Variants in BTBD3 observed in about 807,000 individuals in gnomAD.
BTBD3 encodes the protein BTB domain containing 3, also known as BTB/POZ domain-containing protein 3.
A neutral mutation model predicts 41.6 loss-of-function variants in BTBD3; 14 were observed. That is an observed-to-expected ratio of 0.34 (90% CI 0.22 to 0.53). BTBD3 has a LOEUF of 0.53. Among genes scored for constraint, BTBD3 ranks in the 20% least tolerant of loss-of-function variants. The pLI is 0.95. For missense variants in BTBD3, 426 were observed against 654.7 expected, an observed-to-expected ratio of 0.65 and a Z score of 3.81; for synonymous variants, 249 against 233.7, an observed-to-expected ratio of 1.07 and a Z score of -0.60.
intron 3 of BTBD3, 75 bp downstream of exon 3, chr20:11,919,911 T>G (rs1299119169): frequency 7.8e-7 from 1 of 1,280,310 alleles, no homozygotes; most frequent in African/African-American, 1.5e-5. Context: ...CAGTTAAATT[T>G]AAGTTCTGCA....
intron 1 of BTBD3, among the ~76,000 whole-genome samples, chr20:11,891,715 T>C (rs533768025): frequency 6.6e-6 from 1 of 152,266 alleles, no homozygotes; most frequent in South Asian, 2.1e-4. Flanking sequence ...TCAAAGAAAG[T>C]ATTGTTCGGG....
At chr20:11,898,766 T>C (rs1312364001) in intron 1 of BTBD3, among the ~76,000 whole-genome samples, 1 of 152,252 alleles carries the variant, frequency 6.6e-6, no homozygotes, top group East Asian at 1.9e-4. Context: ...AAGGGAGAAG[T>C]TCAAGAACAT....
chr20:11,918,754 A>G, intron 1 of BTBD3, 153 bp downstream of exon 1: 1 of 829,704 alleles, frequency 1.2e-6, no homozygotes, highest in Non-Finnish European at 1.8e-6. Flanking sequence ...ATCTTTTCCA[A>G]AACAGTACAG....
chr20:11,900,102 C>T (rs1392685792), intron 1 of BTBD3, among the ~76,000 whole-genome samples: 6 of 152,180 alleles, frequency 3.9e-5, no homozygotes, highest in Non-Finnish European at 5.9e-5. Context: ...AACATTTTAG[C>T]GGTGATTACC....
At chr20:11,909,858 C>T (rs568236780) in intron 1 of BTBD3, 1 of 152,146 alleles carries the variant, frequency 6.6e-6, no homozygotes, top group Non-Finnish European at 1.5e-5. Flanking sequence ...ACAGTGAGCA[C>T]AATTTAAAAT....
chr20:11,894,849 T>C (rs1232491), intron 1 of BTBD3, among the ~76,000 whole-genome samples: 134,735 of 152,158 alleles, frequency 0.89, 59,817 homozygotes, highest in East Asian at 1. Flanking sequence ...CAAAAGTGGA[T>C]GGGGAGGAAG....
At chr20:11,908,450 C>A (rs1367691478) in intron 1 of BTBD3, among the ~76,000 whole-genome samples, 2 of 150,346 alleles carry the variant, frequency 1.3e-5, no homozygotes, top group African/African-American at 4.9e-5. Context: ...ATGCTGTCCT[C>A]CCTATTGTTA....
intron 1 of BTBD3, among the ~76,000 whole-genome samples, chr20:11,904,001 A>G (rs1227331288): frequency 6.6e-6 from 1 of 152,180 alleles, no homozygotes. Context: ...TGCTCTGAGA[A>G]TTAGTTACTG....
intron 1 of BTBD3, among the ~76,000 whole-genome samples, chr20:11,899,416 AT>A (rs774688025): frequency 2.0e-5 from 3 of 152,130 alleles, no homozygotes; most frequent in Non-Finnish European, 4.4e-5. Context: ...ATATTAAATA[AT>A]TATTATGCCC....
In BTBD3 at chr20:11,918,232, A is replaced by G; in HGVS notation, c.-44A>G. 1 of 1,512,124 alleles carries G rather than the reference A, an allele frequency of 6.6e-7. No homozygotes were observed. The highest frequency in any genetic ancestry group is 8.8e-7 in the Non-Finnish European group (1 of 1,139,414). The allele number at this position is 1,512,124 out of a possible 1,614,324, so 93.7% of individuals were successfully genotyped here. ...CTAATCTCTTTTCCTTGATGTTCAAACCAATTTGGGATATCTAACTCTAAA... is the reference window on the plus strand; with the variant it reads ...CTAATCTCTTTTCCTTGATGTTCAAGCCAATTTGGGATATCTAACTCTAAA... On this transcript the variant is annotated 5_prime_UTR_variant, in exon 1 of 4. Coordinates refer to ENST00000378226, the MANE Select transcript of BTBD3 (RefSeq NM_014962.4).
chr20:11,913,068 T>G (rs975396182), upstream of BTBD3, among the ~76,000 whole-genome samples: 2 of 152,196 alleles, frequency 1.3e-5, no homozygotes, highest in Non-Finnish European at 2.9e-5. Context: ...ATTAAACTAC[T>G]CTCCTCTGTT....
upstream of BTBD3, among the ~76,000 whole-genome samples, chr20:11,916,586 G>T (rs1207885439): frequency 6.6e-6 from 1 of 152,122 alleles, no homozygotes; most frequent in Non-Finnish European, 1.5e-5. Context: ...ATATTTCTTG[G>T]TTCAATTTAG....
In BTBD3 at chr20:11,924,866, G is replaced by A. The variant is rs1321468489; in HGVS notation, c.*1200G>A. The A allele has an allele frequency of 6.6e-6, 1 of 152,608 alleles. No individual in the cohort carries two copies. Among genetic ancestry groups the A allele is most frequent in the Non-Finnish European group, 1.5e-5 (1 of 68,038 alleles). 9.5% of individuals were successfully genotyped at this position (152,608 alleles called of 1,614,324 possible). A position where few individuals can be genotyped will look rare whatever the true frequency, so the allele number is the denominator to read the frequency against. Reference sequence around the variant, plus strand: ...CTGCAGGGTTTATAAAAAATGGCCTGGAGTGACACATTTTATTATACCTAA... The same window carrying A: ...CTGCAGGGTTTATAAAAAATGGCCTAGAGTGACACATTTTATTATACCTAA... On this transcript the variant is annotated 3_prime_UTR_variant, in exon 4 of 4. Transcript: ENST00000378226.
At chr20:11,893,178 A>G (rs1008436441) in intron 1 of BTBD3, among the ~76,000 whole-genome samples, 5 of 152,208 alleles carry the variant, frequency 3.3e-5, no homozygotes, top group African/African-American at 1.2e-4. Flanking sequence ...CATTTAACAT[A>G]CTTGTTTTTA....
intron 1 of BTBD3, among the ~76,000 whole-genome samples, chr20:11,905,090 G>C (rs549023514): frequency 1.3e-5 from 2 of 152,342 alleles, no homozygotes; most frequent in South Asian, 4.1e-4. Context: ...TTGGGAAGCT[G>C]TCAGGCTCAT....
chr20:11,897,437 G>A (rs1453031191), intron 1 of BTBD3, among the ~76,000 whole-genome samples: 1 of 130,272 alleles, frequency 7.7e-6, no homozygotes, highest in East Asian at 2.3e-4. Context: ...AATTACTTTT[G>A]CACCAACCTA....
chr20:11,890,928 C>T, exon 1 of BTBD3: 3 of 984,640 alleles, frequency 3.0e-6, no homozygotes, highest in South Asian at 9.4e-5. Context: ...ACGGCTGCGT[C>T]GCCCGAGGCG....
intron 3 of BTBD3, among the ~76,000 whole-genome samples, chr20:11,920,423 T>C (rs1303070910): frequency 1.3e-5 from 2 of 152,206 alleles, no homozygotes; most frequent in African/African-American, 2.4e-5. Flanking sequence ...TAGAAAGATA[T>C]GGATAGTCTC....
chr20:11,895,218 A>G (rs1295711639), intron 1 of BTBD3, among the ~76,000 whole-genome samples: 6 of 152,160 alleles, frequency 3.9e-5, no homozygotes, highest in Non-Finnish European at 8.8e-5. Flanking sequence ...GTCTTAATCA[A>G]TGCCACATCT....
Sources: allele counts gnomAD v4.1 joint callset (sites outside exome capture counted in the v4.1 genomes callset), GRCh38; gene constraint gnomAD v4.1.1; transcripts MANE v1.5; gene names NCBI Gene and HGNC (gene_info 2026-07-23, HGNC 2026-07-21).